Variants in COMMD1 observed in about 807,000 individuals in gnomAD.
COMMD1 encodes the protein copper metabolism domain containing 1.
Under a neutral mutation model 17.2 loss-of-function variants are expected in COMMD1, and 10 were observed. That is an observed-to-expected ratio of 0.58 (90% CI 0.36 to 0.99). The LOEUF (loss-of-function observed/expected upper bound fraction) is 0.99, where lower values mean the gene tolerates loss of function less well. Among genes scored for constraint, COMMD1 ranks in the 50% least tolerant of loss-of-function variants. The pLI, the probability that COMMD1 is intolerant of heterozygous loss-of-function variation, is 0.01. For missense variants in COMMD1, 270 were observed against 231.8 expected (o/e 1.17, Z -1.07); for synonymous variants, 97 against 91.6 (o/e 1.06, Z -0.34).
intron 2 of COMMD1, among the ~76,000 whole-genome samples, chr2:62,034,406 A>G (rs1669989502): frequency 1.3e-5 from 2 of 152,080 alleles, no homozygotes; most frequent in African/African-American, 4.8e-5. Flanking sequence ...AAGCTGAGGC[A>G]TTGCTTGAAC....
At chr2:61,969,099 C>T (rs1262871679) in intron 1 of COMMD1, 2 of 401,092 alleles carry the variant, frequency 5.0e-6, no homozygotes, top group African/African-American at 2.1e-5. Context: ...GCTGGGACTA[C>T]AGGTGCACAC....
intron 1 of COMMD1, among the ~76,000 whole-genome samples, chr2:61,930,618 TGTGTGTG>T (rs1243679687): frequency 1.1e-4 from 1 of 8,968 alleles, no homozygotes; most frequent in Non-Finnish European, 1.9e-4. Context: ...CACAGGGTTT[TGTGTGTG>T]TGTGTGTGTG....
At chr2:62,120,196 CA>C (rs1049371645) in intron 2 of COMMD1, among the ~76,000 whole-genome samples, 2 of 151,904 alleles carry the variant, frequency 1.3e-5, no homozygotes, top group African/African-American at 4.8e-5. Flanking sequence ...GAATGGGTTT[CA>C]CCATGTTGCC....
At chr2:62,046,319 T>A (rs2103907824) in intron 2 of COMMD1, among the ~76,000 whole-genome samples, 1 of 152,386 alleles carries the variant, frequency 6.6e-6, no homozygotes, top group South Asian at 2.1e-4. Context: ...GGTCTGGCTA[T>A]GGATAAGACA....
chr2:62,135,863 G>T lies in COMMD1; in HGVS notation c.495G>T (p.Glu165Asp). 6.3e-7 allele frequency: 1 copy of T among 1,591,948 alleles called. No individual in the cohort carries two copies. The highest frequency in any genetic ancestry group is 8.6e-7 in the Non-Finnish European group (1 of 1,159,792). Residue 165 changes from glutamate (E) to aspartate (D), a missense_variant, in exon 3 of 3, where the codon GAG becomes GAT. Glu to Asp is a conservative substitution (Grantham distance 45). Transcript: ENST00000311832. ...AATTTCTGTGTTTGGAATTTGATGA[G>T]GTCAAAGTCAACCAAATTCTGAAGA... The part of the protein sequence containing the change: ...ESEFLCLEFD[E>D]VKVNQILKTL...
chr2:61,985,466 A>G (rs1020952016), intron 1 of COMMD1, among the ~76,000 whole-genome samples: 2 of 152,124 alleles, frequency 1.3e-5, no homozygotes, highest in African/African-American at 4.8e-5. Flanking sequence ...GTTCATTTAC[A>G]TTCAATGTTA....
chr2:62,130,597 A>C lies in COMMD1; in HGVS notation c.463-5234A>C, dbSNP rs376657343. Among the ~76,000 whole-genome samples the C allele has an allele frequency of 1.6e-4, 25 of 152,376 alleles. No homozygotes were observed. In the East Asian group the frequency reaches 4.4e-3, roughly 27 times the overall value. Reference sequence around the variant, plus strand: ...AATATGATCCATAAATTAGAGGATAAAGCGTTGTGAAAATTTTGCATGGGA... The same window carrying C: ...AATATGATCCATAAATTAGAGGATACAGCGTTGTGAAAATTTTGCATGGGA... On this transcript the variant is annotated intron_variant, in intron 2 of 2. Transcript: ENST00000311832.
chr2:62,026,768 A>G (rs987875503), intron 2 of COMMD1, among the ~76,000 whole-genome samples: 1 of 152,170 alleles, frequency 6.6e-6, no homozygotes, highest in African/African-American at 2.4e-5. Flanking sequence ...TCTCCCCACC[A>G]TTATGATCCT....
At chr2:61,928,765 C>T (rs1670391170) in intron 1 of COMMD1, 1 of 152,138 alleles carries the variant, frequency 6.6e-6, no homozygotes, top group Non-Finnish European at 1.5e-5. Flanking sequence ...TCTCTCACAC[C>T]TTTTCCTGCC....
chr2:62,050,652 A>G (rs1211750060), intron 2 of COMMD1, among the ~76,000 whole-genome samples: 1 of 152,240 alleles, frequency 6.6e-6, no homozygotes, highest in East Asian at 1.9e-4. Context: ...CAAGGATCAC[A>G]TGCCTTGCTG....
chr2:61,940,526 G>A (rs1185984685), intron 1 of COMMD1, among the ~76,000 whole-genome samples: 2 of 152,130 alleles, frequency 1.3e-5, no homozygotes, highest in African/African-American at 4.8e-5. Flanking sequence ...TGAGCCAAGG[G>A]ACTCAGGCCT....
At chr2:61,943,129 A>C in intron 1 of COMMD1, among the ~76,000 whole-genome samples, 1 of 152,240 alleles carries the variant, frequency 6.6e-6, no homozygotes, top group East Asian at 1.9e-4. Context: ...TAGAGAACTT[A>C]GGAACTTTAT....
intron 1 of COMMD1, among the ~76,000 whole-genome samples, chr2:61,896,819 CTTTTTTT>C (rs112184843): frequency 2.9e-5 from 4 of 137,190 alleles, no homozygotes; most frequent in Non-Finnish European, 6.4e-5. Flanking sequence ...TTTTCCTTTT[CTTTTTTT>C]TTTTTTTTTG....
Position 62,063,923 on chromosome 2 carries a change from T to C in COMMD1, c.462+62941T>C, listed in dbSNP as rs565781471. On this transcript the variant is annotated intron_variant, in intron 2 of 2. Coordinates refer to ENST00000311832, the MANE Select transcript of COMMD1 (RefSeq NM_152516.4). The stretch of plus-strand genomic sequence containing the variant: ...TTAGCCAGGCATGGTGGCATATGTC[T>C]GTAATCCTAGCTACTCAGGAGGCTG... Among the ~76,000 whole-genome samples the C allele has an allele frequency of 5.2e-3, 645 of 122,870 alleles. 6 individuals carry two copies. The highest frequency in any genetic ancestry group is 0.022 in the South Asian group (79 of 3,592). 80.6% of individuals were successfully genotyped at this position (122,870 alleles called of 152,430 possible).
chr2:62,129,999 C>A (rs985213064), intron 2 of COMMD1, among the ~76,000 whole-genome samples: 2 of 152,100 alleles, frequency 1.3e-5, no homozygotes, highest in African/African-American at 4.8e-5. Context: ...CACGGTGAAA[C>A]CCCTTCTCTA....
At chr2:61,955,062 G>A (rs1372066715) in intron 1 of COMMD1, among the ~76,000 whole-genome samples, 2 of 152,210 alleles carry the variant, frequency 1.3e-5, no homozygotes, top group Admixed American at 6.5e-5. Flanking sequence ...TATAAATCAC[G>A]AGTTTAAGGC....
intron 1 of COMMD1, among the ~76,000 whole-genome samples, chr2:61,941,552 TTC>T (rs1670748027): frequency 6.6e-6 from 1 of 152,168 alleles, no homozygotes; most frequent in South Asian, 2.1e-4. Context: ...TATCAACTGT[TTC>T]ATCTGCGGTG....
intron 1 of COMMD1, among the ~76,000 whole-genome samples, chr2:61,952,250 C>G (rs1048921590): frequency 5.9e-5 from 9 of 152,146 alleles, no homozygotes; most frequent in African/African-American, 2.2e-4. Flanking sequence ...CCGAAAACCA[C>G]TTTTGTCAGA....
chr2:61,982,328 C>T (rs563919433), intron 1 of COMMD1, among the ~76,000 whole-genome samples: 1 of 151,990 alleles, frequency 6.6e-6, no homozygotes, highest in Non-Finnish European at 1.5e-5. Flanking sequence ...TGCTGATTTT[C>T]GTATGTTAAT....
Sources: allele counts gnomAD v4.1 joint callset (sites outside exome capture counted in the v4.1 genomes callset), GRCh38; gene constraint gnomAD v4.1.1; transcripts MANE v1.5; gene names NCBI Gene and HGNC (gene_info 2026-07-23, HGNC 2026-07-21).